XPR1: variants seen among roughly 807,000 people sequenced by gnomAD.
The protein encoded by XPR1 is xenotropic and polytropic retrovirus receptor 1.
XPR1 carries 28 observed loss-of-function variants against 87.5 expected under a neutral mutation model. The ratio of observed to expected loss-of-function variants is 0.32; its 90% CI spans 0.24 to 0.44. XPR1 has a LOEUF of 0.44. XPR1 is among the 20% of genes least tolerant of loss of function. XPR1 has a pLI of 1.00. For synonymous variants in XPR1, 300 were observed against 306.1 expected (o/e 0.98, Z 0.21); for missense variants, 559 against 862.3 (o/e 0.65, Z 4.41).
chr1:180,830,200 G>A (rs1380131440), intron 9 of XPR1, among the ~76,000 whole-genome samples: 1 of 152,128 alleles, frequency 6.6e-6, no homozygotes, highest in Non-Finnish European at 1.5e-5. Flanking sequence ...GTGCATAGAT[G>A]ACTACCATCC....
rs561094648 is a variant in XPR1 at position 180,764,427 on chromosome 1, C to T, written c.122-23326C>T. On this transcript the variant is annotated intron_variant, in intron 2 of 14. Transcript: ENST00000367590. ...TGGAAGAGGGTACTAAACCTGTAAT[C>T]TTTTTTTTTTTTAAACTGTTAAAAC... Among the ~76,000 whole-genome samples, 500 of 145,568 alleles carry T rather than the reference C, an allele frequency of 3.4e-3. 2 individuals are homozygous for T. Among genetic ancestry groups the T allele is most frequent in the African/African-American group, 0.011 (436 of 39,892 alleles).
intron 2 of XPR1, among the ~76,000 whole-genome samples, chr1:180,684,895 T>A (rs1328979613): frequency 6.6e-6 from 1 of 152,222 alleles, no homozygotes; most frequent in Non-Finnish European, 1.5e-5. Context: ...GCTGAGACGA[T>A]GAGGTTTTCT....
At chr1:180,699,289 G>T (rs1571739253) in intron 2 of XPR1, among the ~76,000 whole-genome samples, 1 of 112,176 alleles carries the variant, frequency 8.9e-6, no homozygotes, top group Non-Finnish European at 1.8e-5. Flanking sequence ...ATGTATACAT[G>T]TGCCATGCTG....
At chr1:180,797,250 T>C (rs1038987170) in intron 3 of XPR1, among the ~76,000 whole-genome samples, 1 of 152,196 alleles carries the variant, frequency 6.6e-6, no homozygotes, top group African/African-American at 2.4e-5. Context: ...TAGAGTTCAG[T>C]CAGTCAGTGA....
chr1:180,768,481 A>G (rs1237930085), intron 2 of XPR1, among the ~76,000 whole-genome samples: 1 of 152,246 alleles, frequency 6.6e-6, no homozygotes, highest in African/African-American at 2.4e-5. Flanking sequence ...AATTAGATTT[A>G]TGTAATTCTC....
intron 3 of XPR1, 104 bp downstream of exon 3, chr1:180,787,958 C>T: frequency 1.2e-6 from 1 of 813,690 alleles, no homozygotes; most frequent in Non-Finnish European, 1.9e-6. Flanking sequence ...GTCTTGTTTT[C>T]CTTACTATAC....
At chr1:180,850,348 T>C (rs1160815841) in intron 11 of XPR1, among the ~76,000 whole-genome samples, 1 of 152,190 alleles carries the variant, frequency 6.6e-6, no homozygotes, top group Non-Finnish European at 1.5e-5. Flanking sequence ...TCTCTGTGCC[T>C]ATCTCCTATT....
At chr1:180,703,899 A>G (rs189122109) in intron 2 of XPR1, among the ~76,000 whole-genome samples, 1 of 152,312 alleles carries the variant, frequency 6.6e-6, no homozygotes, top group Admixed American at 6.5e-5. Context: ...AGGGGCTACC[A>G]TACTGGACAG....
intron 2 of XPR1, among the ~76,000 whole-genome samples, chr1:180,723,312 A>G (rs1168231975): frequency 6.6e-6 from 1 of 152,230 alleles, no homozygotes; most frequent in Admixed American, 6.5e-5. Context: ...TAGCATGTGC[A>G]CATATTTTTG....
chr1:180,660,668 T>C (rs1288179560), intron 1 of XPR1, among the ~76,000 whole-genome samples: 1 of 152,226 alleles, frequency 6.6e-6, no homozygotes, highest in African/African-American at 2.4e-5. Context: ...AAATTTCTCT[T>C]GTTATTGATT....
chr1:180,874,213 A>G (rs1446672554), intron 13 of XPR1, among the ~76,000 whole-genome samples: 2 of 152,042 alleles, frequency 1.3e-5, no homozygotes, highest in Non-Finnish European at 2.9e-5. Context: ...AATTCTTACA[A>G]AGTTAAAATA....
chr1:180,791,693 T>A (rs1329228816), intron 3 of XPR1, among the ~76,000 whole-genome samples: 1 of 152,226 alleles, frequency 6.6e-6, no homozygotes, highest in African/African-American at 2.4e-5. Flanking sequence ...TTTAAATAAT[T>A]TAAGATATTT....
At chr1:180,828,727 A>G (rs1223677640) in intron 9 of XPR1, among the ~76,000 whole-genome samples, 1 of 152,208 alleles carries the variant, frequency 6.6e-6, no homozygotes, top group Non-Finnish European at 1.5e-5. Context: ...CATTCAGAGA[A>G]GTTAATTAAC....
chr1:180,697,822 T>C (rs1657219189), intron 2 of XPR1, among the ~76,000 whole-genome samples: 1 of 152,188 alleles, frequency 6.6e-6, no homozygotes, highest in South Asian at 2.1e-4. Context: ...CTTGACATTA[T>C]TTTGATTTTT....
Position 180,879,471 on chromosome 1 carries a change from T to C in XPR1, c.1809-605T>C, listed in dbSNP as rs78400517. 2.1e-3 allele frequency among the ~76,000 whole-genome samples: 313 copies of C among 152,358 alleles called. 3 individuals are homozygous for C. Among genetic ancestry groups the C allele is most frequent in the African/African-American group, 7.0e-3 (289 of 41,582 alleles). On this transcript the variant is annotated intron_variant, in intron 13 of 14. Transcript: ENST00000367590. The stretch of plus-strand genomic sequence containing the variant: ...CCTGCTATTTTAACCTCACTTATTC[T>C]TAGCCCCCACTGACCTTGCTGTTGT...
chr1:180,837,610 G>T (rs1651344680), intron 11 of XPR1, among the ~76,000 whole-genome samples: 1 of 152,100 alleles, frequency 6.6e-6, no homozygotes, highest in African/African-American at 2.4e-5. Flanking sequence ...TGCAGCAGAT[G>T]ATATTTATAA....
At chr1:180,843,981 G>A (rs182279119) in intron 11 of XPR1, among the ~76,000 whole-genome samples, 23 of 152,286 alleles carry the variant, frequency 1.5e-4, no homozygotes, top group Non-Finnish European at 2.8e-4. Flanking sequence ...GGGAGGCTGA[G>A]GCAGGTGGAT....
chr1:180,745,619 T>C (rs1421759759), intron 2 of XPR1, among the ~76,000 whole-genome samples: 2 of 152,196 alleles, frequency 1.3e-5, no homozygotes, highest in African/African-American at 4.8e-5. Context: ...TCAGTGAATG[T>C]TAAGAAATCC....
intron 2 of XPR1, among the ~76,000 whole-genome samples, chr1:180,787,277 G>GT (rs1373873832): frequency 2.5e-4 from 33 of 133,916 alleles, no homozygotes; most frequent in Middle Eastern, 7.8e-3. Flanking sequence ...TTACAAAGAG[G>GT]TTTTTTTTGT....
Sources: gnomAD v4.1 joint callset for allele counts (sites outside exome capture counted in the v4.1 genomes callset) on GRCh38, gnomAD v4.1.1 for gene constraint, MANE v1.5 for transcripts, NCBI Gene and HGNC (gene_info 2026-07-23, HGNC 2026-07-21) for gene names.